CFAP299: variants seen among roughly 807,000 people sequenced by gnomAD.
The protein encoded by CFAP299 is cilia and flagella associated protein 299.
Under a neutral mutation model 27.0 loss-of-function variants are expected in CFAP299, and 21 were observed. The observed-to-expected ratio is 0.78, with a 90% CI of 0.55 to 1.12. CFAP299 has a LOEUF of 1.12. Ranked by LOEUF, CFAP299 falls within the 50% of genes most tolerant of loss-of-function variation. The probability of loss-of-function intolerance (pLI) is 0.00; values close to 1 mark genes in which losing one functional copy is unlikely to be tolerated. For synonymous variants in CFAP299, 104 were observed against 98.1 expected (o/e 1.06, Z -0.36); for missense variants, 310 against 276.6 (o/e 1.12, Z -0.86).
At chr4:80,520,753 T>C (rs1732866163) in intron 2 of CFAP299, among the ~76,000 whole-genome samples, 1 of 152,230 alleles carries the variant, frequency 6.6e-6, no homozygotes, top group Non-Finnish European at 1.5e-5. Context: ...TTTTAAAAAA[T>C]TGAAACTATA....
chr4:80,740,455 A>T (rs1350374333), intron 3 of CFAP299, among the ~76,000 whole-genome samples: 1 of 152,064 alleles, frequency 6.6e-6, no homozygotes, highest in African/African-American at 2.4e-5. Flanking sequence ...CTTTTCCCTT[A>T]CTTTCTCCCA....
intron 3 of CFAP299, among the ~76,000 whole-genome samples, chr4:80,693,803 A>G (rs1340858254): frequency 6.6e-6 from 1 of 152,068 alleles, no homozygotes; most frequent in African/African-American, 2.4e-5. Context: ...AAGAATCTCC[A>G]GTATATAATT....
intron 3 of CFAP299, among the ~76,000 whole-genome samples, chr4:80,760,998 G>C (rs1332948915): frequency 2.0e-5 from 3 of 152,104 alleles, no homozygotes; most frequent in African/African-American, 7.2e-5. Context: ...AGGAGTAATA[G>C]GTAATCATTG....
chr4:80,660,943 A>G (rs1402327578), intron 3 of CFAP299, among the ~76,000 whole-genome samples: 1 of 152,178 alleles, frequency 6.6e-6, no homozygotes, highest in African/African-American at 2.4e-5. Flanking sequence ...ACAAAAGACC[A>G]AAAAGACATG....
intron 3 of CFAP299, among the ~76,000 whole-genome samples, chr4:80,640,496 A>G (rs1739672086): frequency 6.6e-6 from 1 of 152,300 alleles, no homozygotes. Context: ...CTATGAAAAT[A>G]GTGCCATGCC....
At chr4:80,480,852 C>T (rs1730528524) in intron 2 of CFAP299, among the ~76,000 whole-genome samples, 1 of 151,868 alleles carries the variant, frequency 6.6e-6, no homozygotes, top group Admixed American at 6.6e-5. Flanking sequence ...AACCTATTTG[C>T]CCATAAAATA....
intron 3 of CFAP299, among the ~76,000 whole-genome samples, chr4:80,841,201 A>G (rs1475215899): frequency 6.6e-6 from 1 of 152,166 alleles, no homozygotes; most frequent in East Asian, 1.9e-4. Context: ...ACATGGCATA[A>G]GGAATCAGGG....
At chr4:80,589,338 C>A (rs1736605776) in intron 3 of CFAP299, among the ~76,000 whole-genome samples, 1 of 152,124 alleles carries the variant, frequency 6.6e-6, no homozygotes, top group Admixed American at 6.6e-5. Flanking sequence ...GAAAGAAACT[C>A]ATCCATGGAA....
chr4:80,370,355 C>T (rs748924845), intron 2 of CFAP299, among the ~76,000 whole-genome samples: 26 of 152,136 alleles, frequency 1.7e-4, no homozygotes, highest in Admixed American at 6.5e-5. Context: ...TCCCTGGGCT[C>T]CCCAAATCTC....
chr4:80,782,648 G>T (rs11930317), intron 3 of CFAP299, among the ~76,000 whole-genome samples: 2,054 of 95,418 alleles, frequency 0.022, 43 homozygotes, highest in African/African-American at 0.056. Context: ...ATACATATAT[G>T]AATATATAAT....
At chr4:80,697,311 A>G (rs775863349) in intron 3 of CFAP299, among the ~76,000 whole-genome samples, 2 of 152,138 alleles carry the variant, frequency 1.3e-5, no homozygotes, top group Non-Finnish European at 2.9e-5. Context: ...TCTTTAACCT[A>G]TCTTATTTTA....
At chr4:80,702,746 G>A (rs1721579574) in intron 3 of CFAP299, among the ~76,000 whole-genome samples, 1 of 151,790 alleles carries the variant, frequency 6.6e-6, no homozygotes, top group Non-Finnish European at 1.5e-5. Flanking sequence ...CTTATATTAA[G>A]CATTTCATTC....
intron 2 of CFAP299, among the ~76,000 whole-genome samples, chr4:80,571,278 G>A (rs1250273322): frequency 1.3e-5 from 2 of 152,066 alleles, no homozygotes; most frequent in African/African-American, 4.8e-5. Context: ...AGATAAGGAA[G>A]TTTTTCCATG....
chr4:80,664,683 G>A (rs916178410), intron 3 of CFAP299, among the ~76,000 whole-genome samples: 13 of 152,056 alleles, frequency 8.5e-5, no homozygotes, highest in African/African-American at 1.4e-4. Context: ...GGGTGGGATC[G>A]GCTGAACTAG....
chr4:80,389,933 G>T (rs1725234600), intron 2 of CFAP299, among the ~76,000 whole-genome samples: 1 of 152,086 alleles, frequency 6.6e-6, no homozygotes. Context: ...AGAGTCCCTG[G>T]TGGTTTCCAG....
intron 3 of CFAP299, among the ~76,000 whole-genome samples, chr4:80,632,821 T>A (rs1739280807): frequency 6.6e-6 from 1 of 151,966 alleles, no homozygotes; most frequent in African/African-American, 2.4e-5. Context: ...ATCAATGAAA[T>A]TTTTTAACCC....
chr4:80,764,272 C>A (rs781166734), intron 3 of CFAP299, among the ~76,000 whole-genome samples: 2 of 152,066 alleles, frequency 1.3e-5, no homozygotes, highest in Non-Finnish European at 2.9e-5. Flanking sequence ...ACAACTCCAT[C>A]AAAAAGTGGG....
At chr4:80,448,084 G>T (rs1728731408) in intron 2 of CFAP299, among the ~76,000 whole-genome samples, 1 of 152,212 alleles carries the variant, frequency 6.6e-6, no homozygotes, top group Non-Finnish European at 1.5e-5. Flanking sequence ...CACTGTCAAT[G>T]CATTCTCTCT....
At chr4:80,913,787 C>G (rs1031735188) in intron 4 of CFAP299, among the ~76,000 whole-genome samples, 2 of 152,098 alleles carry the variant, frequency 1.3e-5, no homozygotes, top group African/African-American at 4.8e-5. Context: ...ATCTACACAC[C>G]GCCACAATTA....
Sources: allele counts gnomAD v4.1 joint callset (sites outside exome capture counted in the v4.1 genomes callset), GRCh38; gene constraint gnomAD v4.1.1; transcripts MANE v1.5; gene names NCBI Gene and HGNC (gene_info 2026-07-23, HGNC 2026-07-21).